The following ARHGAP15 variants were observed in gnomAD, a reference collection of about 807,000 sequenced individuals.
ARHGAP15 encodes Rho GTPase activating protein 15, also known as rho GTPase-activating protein 15.
In ARHGAP15, 51 loss-of-function variants were observed where a neutral mutation model predicts 63.7. The ratio of observed to expected loss-of-function variants is 0.80; its 90% CI spans 0.64 to 1.01. ARHGAP15 has a LOEUF of 1.01. ARHGAP15 is among the 50% of genes least tolerant of loss of function. The pLI is 0.00. For synonymous variants in ARHGAP15, 191 were observed against 193.8 expected, an observed-to-expected ratio of 0.99 and a Z score of 0.12; for missense variants, 560 against 564.6, an observed-to-expected ratio of 0.99 and a Z score of 0.08.
chr2:143,300,313 A>G (rs1682838299), intron 6 of ARHGAP15, among the ~76,000 whole-genome samples: 1 of 152,028 alleles, frequency 6.6e-6, no homozygotes. Flanking sequence ...CTTGGTGAGG[A>G]AGAATTAATT....
At chr2:143,624,921 AACAC>A (rs968019215) in intron 12 of ARHGAP15, among the ~76,000 whole-genome samples, 2 of 151,936 alleles carry the variant, frequency 1.3e-5, no homozygotes, top group Non-Finnish European at 2.9e-5. Context: ...TAATTCATAA[AACAC>A]ACACACACAC....
intron 12 of ARHGAP15, among the ~76,000 whole-genome samples, chr2:143,650,756 T>C (rs901784591): frequency 1.3e-5 from 2 of 151,928 alleles, no homozygotes; most frequent in Non-Finnish European, 1.5e-5. Flanking sequence ...TTGGTTTAAT[T>C]TGTTGTATCT....
intron 6 of ARHGAP15, among the ~76,000 whole-genome samples, chr2:143,423,112 G>A (rs1688998450): frequency 6.6e-6 from 1 of 152,064 alleles, no homozygotes. Flanking sequence ...GAAACCCCAG[G>A]GGCCCATGGA....
intron 12 of ARHGAP15, among the ~76,000 whole-genome samples, chr2:143,678,054 A>C (rs1574827781): frequency 6.6e-6 from 1 of 152,150 alleles, no homozygotes; most frequent in South Asian, 2.1e-4. Flanking sequence ...TTATACAAAA[A>C]CATAAGAATT....
intron 12 of ARHGAP15, among the ~76,000 whole-genome samples, chr2:143,685,148 C>T (rs886747837): frequency 1.9e-4 from 29 of 152,106 alleles, no homozygotes; most frequent in African/African-American, 6.0e-4. Flanking sequence ...AACCTCCACA[C>T]CGAAGTCGCA....
intron 2 of ARHGAP15, among the ~76,000 whole-genome samples, chr2:143,158,300 G>A (rs879802476): frequency 3.3e-5 from 5 of 151,674 alleles, no homozygotes; most frequent in East Asian, 1.9e-4. Flanking sequence ...TGTATATGTC[G>A]TAAAAGCTTT....
chr2:143,346,482 C>G (rs983692457), intron 6 of ARHGAP15, among the ~76,000 whole-genome samples: 6 of 151,962 alleles, frequency 3.9e-5, no homozygotes, highest in African/African-American at 1.5e-4. Context: ...TATGTTATGT[C>G]CAAATTGACA....
intron 4 of ARHGAP15, among the ~76,000 whole-genome samples, chr2:143,226,595 G>A (rs1693222723): frequency 6.6e-6 from 1 of 152,206 alleles, no homozygotes; most frequent in African/African-American, 2.4e-5. Context: ...TCACTCTGCT[G>A]CTGCTGGTAC....
Position 143,202,178 on chromosome 2 carries a change from T to C in ARHGAP15, c.210T>C (p.Asp70=), listed in dbSNP as rs142961157. 3 of 1,612,178 alleles carry C rather than the reference T, an allele frequency of 1.9e-6. No homozygotes were observed. The highest frequency in any genetic ancestry group is 3.3e-5 in the Admixed American group (2 of 59,864). Reference sequence around the variant, plus strand: ...ATCATTCACAGCATATCTTGAAAGATGTCATTCCTCCATTGGAACAACTGG... The same window carrying C: ...ATCATTCACAGCATATCTTGAAAGACGTCATTCCTCCATTGGAACAACTGG... The part of the protein sequence containing the change: ...RRNHSQHILK[D]VIPPLEQLMV... The change falls in exon 3 of 14, where the codon GAT becomes GAC. Residue 70 remains aspartate, a synonymous_variant. Transcript: ENST00000295095.
intron 2 of ARHGAP15, among the ~76,000 whole-genome samples, chr2:143,167,965 T>C (rs1442248795): frequency 6.6e-6 from 1 of 152,108 alleles, no homozygotes; most frequent in Non-Finnish European, 1.5e-5. Context: ...TGTTCACAGA[T>C]GAGGACATAA....
chr2:143,441,226 G>A (rs1689864418), intron 8 of ARHGAP15, among the ~76,000 whole-genome samples: 2 of 152,024 alleles, frequency 1.3e-5, no homozygotes, highest in Non-Finnish European at 2.9e-5. Context: ...GTGTATGAAA[G>A]GTAGAAAAAG....
At chr2:143,170,613 T>C (rs1690736356) in intron 2 of ARHGAP15, among the ~76,000 whole-genome samples, 1 of 152,206 alleles carries the variant, frequency 6.6e-6, no homozygotes, top group Non-Finnish European at 1.5e-5. Context: ...AGAGAATGAG[T>C]GGGAATCAGA....
intron 11 of ARHGAP15, among the ~76,000 whole-genome samples, chr2:143,560,103 T>A (rs1161910608): frequency 6.6e-6 from 1 of 152,212 alleles, no homozygotes; most frequent in Admixed American, 6.5e-5. Flanking sequence ...CAATTCTAAA[T>A]ACACCAGTTG....
At chr2:143,309,742 T>C (rs1683348833) in intron 6 of ARHGAP15, among the ~76,000 whole-genome samples, 2 of 152,096 alleles carry the variant, frequency 1.3e-5, no homozygotes, top group South Asian at 4.1e-4. Context: ...TCCTGTGCAT[T>C]GTAGAATATT....
chr2:143,739,203 G>C (rs1685868862), intron 13 of ARHGAP15, among the ~76,000 whole-genome samples: 1 of 152,118 alleles, frequency 6.6e-6, no homozygotes, highest in South Asian at 2.1e-4. Context: ...AAGTATACTT[G>C]GAAGACCAGA....
At chr2:143,147,407 G>A (rs1689634130) in intron 1 of ARHGAP15, among the ~76,000 whole-genome samples, 2 of 152,030 alleles carry the variant, frequency 1.3e-5, no homozygotes, top group South Asian at 4.1e-4. Context: ...GGTCAAAACT[G>A]ACAGAGGAAA....
chr2:143,373,191 C>T (rs960983215), intron 6 of ARHGAP15, among the ~76,000 whole-genome samples: 1 of 151,988 alleles, frequency 6.6e-6, no homozygotes, highest in Admixed American at 6.6e-5. Context: ...TACTGTTATT[C>T]CCATTTTATA....
At chr2:143,247,564 AAGCTTAG>A (rs1694091034) in intron 5 of ARHGAP15, among the ~76,000 whole-genome samples, 1 of 152,142 alleles carries the variant, frequency 6.6e-6, no homozygotes, top group Non-Finnish European at 1.5e-5. Context: ...AAAACTGTAA[AAGCTTAG>A]ACTGTTTTAC....
At chr2:143,382,627 C>T (rs533077436) in intron 6 of ARHGAP15, among the ~76,000 whole-genome samples, 30 of 152,254 alleles carry the variant, frequency 2.0e-4, no homozygotes, top group African/African-American at 7.0e-4. Flanking sequence ...AGGACTTTAA[C>T]ATATCTTTTC....
Sources: allele counts gnomAD v4.1 joint callset (sites outside exome capture counted in the v4.1 genomes callset), GRCh38; gene constraint gnomAD v4.1.1; transcripts MANE v1.5; gene names NCBI Gene and HGNC (gene_info 2026-07-23, HGNC 2026-07-21).